Variants in PIP5K1B observed in about 807,000 individuals in gnomAD.
PIP5K1B encodes the protein phosphatidylinositol-4-phosphate 5-kinase type 1 beta.
A neutral mutation model predicts 67.0 loss-of-function variants in PIP5K1B; 42 were observed. The ratio of observed to expected loss-of-function variants is 0.63; its 90% CI spans 0.49 to 0.81. The LOEUF is 0.81. Among genes scored for constraint, PIP5K1B ranks in the 30% least tolerant of loss-of-function variants. The pLI is 0.00. For missense variants in PIP5K1B, 459 were observed against 646.3 expected (o/e 0.71, Z 3.14); for synonymous variants, 214 against 231.4 (o/e 0.92, Z 0.68).
chr9:68,971,301 A>G lies in PIP5K1B; in HGVS notation c.1503-19839A>G, dbSNP rs571743659. The stretch of plus-strand genomic sequence containing the variant: ...AGAATGATGGCTTCCAGCTTCATCA[A>G]TGTCCCTGCAAAGGACATAAACTCA... On this transcript the variant is annotated intron_variant, in intron 14 of 15. Transcript: ENST00000265382. 5.9e-5 allele frequency among the ~76,000 whole-genome samples: 9 copies of G among 152,312 alleles called. No homozygotes were observed. The South Asian group carries it at 1.0e-3, about 18-fold the overall frequency.
At chr9:68,978,889 T>C (rs1334201297) in intron 14 of PIP5K1B, among the ~76,000 whole-genome samples, 1 of 152,184 alleles carries the variant, frequency 6.6e-6, no homozygotes, top group Non-Finnish European at 1.5e-5. Flanking sequence ...CTCCTTCGTT[T>C]TTTCCTGGAA....
intron 2 of PIP5K1B, chr9:68,781,598 A>G (rs188867230): frequency 2.5e-4 from 41 of 167,110 alleles, no homozygotes; most frequent in Non-Finnish European, 5.9e-5. Context: ...GGGAATGATT[A>G]AAGAACAAAT....
chr9:68,757,432 C>T (rs901118823), intron 2 of PIP5K1B, among the ~76,000 whole-genome samples: 1 of 151,970 alleles, frequency 6.6e-6, no homozygotes, highest in African/African-American at 2.4e-5. Flanking sequence ...AAACTTAGCT[C>T]TGGTTTATCG....
intron 8 of PIP5K1B, among the ~76,000 whole-genome samples, chr9:68,901,752 G>A (rs1825367033): frequency 6.6e-6 from 1 of 152,172 alleles, no homozygotes; most frequent in African/African-American, 2.4e-5. Flanking sequence ...GTTCGAGTTG[G>A]AAGGAATCCT....
chr9:68,916,978 A>G (rs1826130463), intron 8 of PIP5K1B, among the ~76,000 whole-genome samples: 1 of 152,222 alleles, frequency 6.6e-6, no homozygotes, highest in Non-Finnish European at 1.5e-5. Context: ...TAGAAAAGAT[A>G]CATTCTAGCT....
At chr9:68,815,314 T>C (rs1275448154) in intron 2 of PIP5K1B, among the ~76,000 whole-genome samples, 1 of 150,672 alleles carries the variant, frequency 6.6e-6, no homozygotes, top group Non-Finnish European at 1.5e-5. Context: ...ATCTAAGAAA[T>C]TTTTTTAAGA....
At chr9:68,970,608 G>A (rs992399980) in intron 14 of PIP5K1B, among the ~76,000 whole-genome samples, 3 of 152,218 alleles carry the variant, frequency 2.0e-5, no homozygotes, top group African/African-American at 7.2e-5. Flanking sequence ...ATACACGATG[G>A]TGTGTACCCT....
chr9:68,871,608 T>A (rs1208670695), intron 5 of PIP5K1B, among the ~76,000 whole-genome samples: 5 of 152,228 alleles, frequency 3.3e-5, no homozygotes, highest in African/African-American at 4.8e-5. Flanking sequence ...TAACTGCTTC[T>A]TAGTGAATAA....
At chr9:68,953,314 T>A (rs768335473) in intron 14 of PIP5K1B, among the ~76,000 whole-genome samples, 5 of 152,192 alleles carry the variant, frequency 3.3e-5, no homozygotes, top group Non-Finnish European at 7.3e-5. Context: ...CCTTTTTTCA[T>A]GATTGTAATT....
intron 14 of PIP5K1B, among the ~76,000 whole-genome samples, chr9:68,945,025 G>T (rs114478258): frequency 0.028 from 4,270 of 151,018 alleles, 196 homozygotes; most frequent in African/African-American, 0.098. Context: ...TTGGTTGGTT[G>T]GTTTTTTTCC....
intron 8 of PIP5K1B, among the ~76,000 whole-genome samples, chr9:68,901,576 A>T (rs2132441603): frequency 6.6e-6 from 1 of 152,332 alleles, no homozygotes; most frequent in African/African-American, 2.4e-5. Flanking sequence ...CTGTCTTTCA[A>T]AGTGTGTTTT....
chr9:68,867,012 C>T (rs1040781539), intron 5 of PIP5K1B, among the ~76,000 whole-genome samples: 5 of 152,160 alleles, frequency 3.3e-5, no homozygotes, highest in Admixed American at 6.5e-5. Flanking sequence ...TCTGCTGCCA[C>T]GTAGGATGAC....
chr9:68,934,216 G>A (rs1055069622), intron 12 of PIP5K1B, among the ~76,000 whole-genome samples: 13 of 152,184 alleles, frequency 8.5e-5, no homozygotes, highest in Admixed American at 6.5e-5. Context: ...CATGATTGAT[G>A]GTGAAGTACA....
At chr9:68,732,917 G>T (rs1385855503) in intron 1 of PIP5K1B, among the ~76,000 whole-genome samples, 8 of 47,584 alleles carry the variant, frequency 1.7e-4, no homozygotes, top group Non-Finnish European at 2.8e-4. Context: ...GAGGTGGGTT[G>T]GGGGGGGGGC....
chr9:68,971,263 TGTTA>T (rs1172182650), intron 14 of PIP5K1B, among the ~76,000 whole-genome samples: 1 of 152,176 alleles, frequency 6.6e-6, no homozygotes, highest in African/African-American at 2.4e-5. Context: ...TCTGTTCTTG[TGTTA>T]GTTTGCTGAG....
At chr9:68,754,171 A>ATTTTTTTTTTTTT (rs750644171) in intron 2 of PIP5K1B, among the ~76,000 whole-genome samples, 3 of 55,592 alleles carry the variant, frequency 5.4e-5, no homozygotes, top group African/African-American at 8.5e-5. Context: ...ATGTTCCATG[A>ATTTTTTTTTTTTT]TTTCTTTTTT....
intron 2 of PIP5K1B, among the ~76,000 whole-genome samples, chr9:68,801,098 C>G (rs1458449756): frequency 2.0e-5 from 3 of 152,210 alleles, no homozygotes; most frequent in Non-Finnish European, 4.4e-5. Context: ...ACCCATTGCT[C>G]TGTTCCCAGA....
At chr9:68,850,055 G>A (rs1020193998) in intron 4 of PIP5K1B, among the ~76,000 whole-genome samples, 2 of 152,210 alleles carry the variant, frequency 1.3e-5, no homozygotes, top group East Asian at 1.9e-4. Context: ...TCACACGCAT[G>A]AAGTGCAGAG....
Position 68,923,290 on chromosome 9 carries a change from TTG to T in PIP5K1B, c.1117-10_1117-9del. The T allele has an allele frequency of 6.5e-7, 1 of 1,533,016 alleles. No individual in the cohort carries two copies. The allele number at this position is 1,533,016 out of a possible 1,614,324, so 95.0% of individuals were successfully genotyped here. Reference sequence around the variant, plus strand: ...GAGGTGACCCTGTGATCCTGGGTTTTTGTCTTTTCAGGACACTGTTTCTGTTC... The same window carrying T: ...GAGGTGACCCTGTGATCCTGGGTTTTTCTTTTCAGGACACTGTTTCTGTTC... On this transcript the variant is annotated splice_polypyrimidine_tract_variant and intron_variant, in intron 11 of 15. Coordinates refer to ENST00000265382, the MANE Select transcript of PIP5K1B (RefSeq NM_003558.4).
Sources: allele counts gnomAD v4.1 joint callset (sites outside exome capture counted in the v4.1 genomes callset), GRCh38; gene constraint gnomAD v4.1.1; transcripts MANE v1.5; gene names NCBI Gene and HGNC (gene_info 2026-07-23, HGNC 2026-07-21).